The following ATP2C1 variants were observed in gnomAD, a reference collection of about 807,000 sequenced individuals.
ATP2C1 encodes ATPase secretory pathway Ca2+ transporting 1.
ATP2C1 carries 31 observed loss-of-function variants against 120.5 expected under a neutral mutation model. The ratio of observed to expected loss-of-function variants is 0.26; its 90% CI spans 0.19 to 0.35. The LOEUF (loss-of-function observed/expected upper bound fraction) is 0.35, where lower values mean the gene tolerates loss of function less well. Among genes scored for constraint, ATP2C1 ranks in the 10% least tolerant of loss-of-function variants. ATP2C1 has a pLI of 1.00. For synonymous variants in ATP2C1, 351 were observed against 358.7 expected (o/e 0.98, Z 0.24); for missense variants, 731 against 1,107.5 (o/e 0.66, Z 4.83).
chr3:130,974,210 A>G (rs183887837), intron 17 of ATP2C1, among the ~76,000 whole-genome samples: 14 of 152,374 alleles, frequency 9.2e-5, no homozygotes, highest in Non-Finnish European at 1.3e-4. Flanking sequence ...TATTAACTTT[A>G]TAAAAGACAA....
Position 130,954,897 on chromosome 3 carries a change from A to G in ATP2C1, c.688-115A>G. On this transcript the variant is annotated intron_variant, in intron 9 of 27. Transcript: ENST00000510168. ...TGCTGAGGAAATCTTAGGAGTGTGT[A>G]TGTTAGACATCTTCACTGTAGGTAA... 4 of 751,732 alleles carry G rather than the reference A, an allele frequency of 5.3e-6. No homozygotes were observed. The East Asian group carries it at 8.0e-5, about 15-fold the overall frequency. 46.6% of individuals were successfully genotyped at this position (751,732 alleles called of 1,614,324 possible).
chr3:130,985,667 A>T (rs1009614422), intron 20 of ATP2C1, among the ~76,000 whole-genome samples: 18 of 151,998 alleles, frequency 1.2e-4, no homozygotes, highest in African/African-American at 4.1e-4. Context: ...CCAAAAAAAA[A>T]AACCAAATTA....
At chr3:130,860,864 AC>A (rs1272808503) in intron 1 of ATP2C1, among the ~76,000 whole-genome samples, 3 of 152,248 alleles carry the variant, frequency 2.0e-5, no homozygotes, top group African/African-American at 7.2e-5. Flanking sequence ...TTTGGAAGAT[AC>A]CTTAAATCTT....
chr3:130,885,834 C>T (rs1432844075), intron 1 of ATP2C1, among the ~76,000 whole-genome samples: 4 of 151,998 alleles, frequency 2.6e-5, no homozygotes, highest in Middle Eastern at 3.2e-3. Context: ...CTATTACCAG[C>T]GAGTTTGTAC....
Position 130,931,144 on chromosome 3 carries a change from T to C in ATP2C1, c.117+618T>C, listed in dbSNP as rs115866596. Among the ~76,000 whole-genome samples, 420 of 152,264 alleles carry C rather than the reference T, an allele frequency of 2.8e-3. 2 individuals carry two copies. Among genetic ancestry groups the C allele is most frequent in the African/African-American group, 9.2e-3 (384 of 41,572 alleles). On this transcript the variant is annotated intron_variant, in intron 3 of 27. Transcript: ENST00000510168. ...GGTATCCTTTTTTAGGTTTTTGTTG[T>C]TGTTGTTATTGTATTTATACTCTGC... is the stretch of plus-strand genomic sequence containing the variant.
intron 1 of ATP2C1, among the ~76,000 whole-genome samples, chr3:130,858,462 A>G (rs1227052600): frequency 6.6e-6 from 1 of 152,208 alleles, no homozygotes; most frequent in Non-Finnish European, 1.5e-5. Context: ...ACTCCTTTAG[A>G]GCAGCCTTTT....
chr3:130,938,329 A>C (rs925364723), intron 6 of ATP2C1, among the ~76,000 whole-genome samples: 1 of 152,260 alleles, frequency 6.6e-6, no homozygotes, highest in Non-Finnish European at 1.5e-5. Flanking sequence ...ATGGTTAACA[A>C]GAATAGAATT....
chr3:131,012,020 A>G (rs2063332773), intron 26 of ATP2C1, among the ~76,000 whole-genome samples: 1 of 152,180 alleles, frequency 6.6e-6, no homozygotes, highest in Admixed American at 6.5e-5. Context: ...TTTCAGTGGA[A>G]TGGTCCTGAG....
At chr3:130,918,440 G>A in intron 2 of ATP2C1, 1 of 906,366 alleles carries the variant, frequency 1.1e-6, no homozygotes, top group South Asian at 1.3e-5. Flanking sequence ...CCCCACATCT[G>A]GAACACTTCT....
chr3:130,995,587 A>G (rs1007216089), intron 22 of ATP2C1, among the ~76,000 whole-genome samples: 1 of 152,192 alleles, frequency 6.6e-6, no homozygotes, highest in Non-Finnish European at 1.5e-5. Context: ...ATTCTTTGCT[A>G]AAATAAATGT....
In ATP2C1 at chr3:130,894,588, A is replaced by G; in HGVS notation, c.-180-2A>G. The G allele has an allele frequency of 6.7e-7, 1 of 1,493,446 alleles. No individual in the cohort carries two copies. The highest frequency in any genetic ancestry group is 1.3e-5 in the South Asian group (1 of 77,534). The allele number at this position is 1,493,446 out of a possible 1,614,324, so 92.5% of individuals were successfully genotyped here. A position where few individuals can be genotyped will look rare whatever the true frequency, so the allele number is the denominator to read the frequency against. ...CGCCGCTTCTCCTGGTTTCTCTTGC[A>G]GATGCTGCTGCTAGGGGTGGTGGGA... On this transcript the variant is annotated splice_acceptor_variant, in intron 1 of 27. Transcript: ENST00000510168. LOFTEE classifies it low-confidence loss of function (5UTR_SPLICE). This position sits in a 1 kb window ranked among gnomAD's most constrained non-coding sequence, Gnocchi z 4.5.
rs2060952727 is a variant in ATP2C1, at chr3:130,964,244, AAAG to A, written c.1024+150_1024+152del. 3 of 1,147,314 alleles carry A rather than the reference AAAG, an allele frequency of 2.6e-6. No homozygotes were observed. The South Asian group carries it at 4.1e-5, about 16-fold the overall frequency. The allele number at this position is 1,147,314 out of a possible 1,614,324, so 71.1% of individuals were successfully genotyped here. On this transcript the variant is annotated intron_variant, in intron 13 of 27. Coordinates refer to ENST00000510168, the MANE Select transcript of ATP2C1 (RefSeq NM_001378687.1). Reference sequence around the variant, plus strand: ...ATTGGATATGGTTTTAACAACCAAAAAAGGCAATTAAAAATTCCTATCCCTTAG... The same window carrying A: ...ATTGGATATGGTTTTAACAACCAAAAGCAATTAAAAATTCCTATCCCTTAG...
intron 2 of ATP2C1, among the ~76,000 whole-genome samples, chr3:130,912,374 A>G (rs1443553583): frequency 1.2e-3 from 178 of 151,940 alleles, no homozygotes; most frequent in Non-Finnish European, 6.6e-4. Flanking sequence ...GCAAATATCC[A>G]GAATCTACAA....
chr3:130,862,900 G>A (rs892001152), intron 1 of ATP2C1, among the ~76,000 whole-genome samples: 9 of 152,196 alleles, frequency 5.9e-5, no homozygotes, highest in Non-Finnish European at 1.3e-4. Flanking sequence ...AGGAGGGATA[G>A]CCAGTAAAAA....
chr3:131,003,550 T>C (rs115075909), downstream of ATP2C1, among the ~76,000 whole-genome samples: 68 of 152,294 alleles, frequency 4.5e-4, no homozygotes, highest in African/African-American at 1.6e-3. Context: ...AGTTCTGAAA[T>C]GATCAAAACT....
chr3:131,015,162 A>C (rs909718402), intron 26 of ATP2C1: 10 of 699,624 alleles, frequency 1.4e-5, no homozygotes, highest in Non-Finnish European at 2.3e-5. Context: ...AACACTGTTT[A>C]CTGCCAGGAG....
downstream of ATP2C1, among the ~76,000 whole-genome samples, chr3:131,003,983 G>A (rs1342007218): frequency 7.9e-5 from 12 of 152,206 alleles, no homozygotes; most frequent in Admixed American, 3.9e-4. Context: ...GTTAGATGAT[G>A]AACTGGTTAT....
At chr3:130,907,737 T>C (rs2058202909) in intron 2 of ATP2C1, among the ~76,000 whole-genome samples, 1 of 151,916 alleles carries the variant, frequency 6.6e-6, no homozygotes, top group African/African-American at 2.4e-5. Flanking sequence ...TTTCTTTTTT[T>C]TTTTTTTCAG....
chr3:130,958,160 T>C (rs2060661758), intron 11 of ATP2C1, among the ~76,000 whole-genome samples: 1 of 152,202 alleles, frequency 6.6e-6, no homozygotes, highest in African/African-American at 2.4e-5. Context: ...TCTGGTTATA[T>C]GTTAGTATAT....
Sources: gnomAD v4.1 joint callset for allele counts (sites outside exome capture counted in the v4.1 genomes callset) on GRCh38, gnomAD v4.1.1 for gene constraint, Gnocchi (gnomAD v3.1) non-coding constraint, MANE v1.5 for transcripts, NCBI Gene and HGNC (gene_info 2026-07-23, HGNC 2026-07-21) for gene names.